CIT: variants seen among roughly 807,000 people sequenced by gnomAD.
CIT encodes the protein citron rho-interacting serine/threonine kinase.
A neutral mutation model predicts 272.7 loss-of-function variants in CIT; 79 were observed. The ratio of observed to expected loss-of-function variants is 0.29; its 90% CI spans 0.24 to 0.35. The LOEUF (loss-of-function observed/expected upper bound fraction) is 0.35. CIT is among the 10% of genes least tolerant of loss of function. CIT has a pLI of 1.00. For missense variants in CIT, 1,909 were observed against 2,618.3 expected, an observed-to-expected ratio of 0.73 and a Z score of 5.91; for synonymous variants, 948 against 995.6, an observed-to-expected ratio of 0.95 and a Z score of 0.90.
chr12:119,785,195 C>T (rs1964674057), intron 10 of CIT, 130 bp from the exon 11 acceptor site: 1 of 976,024 alleles, frequency 1.0e-6, no homozygotes, highest in Non-Finnish European at 1.5e-6. Context: ...ATAATGCCCC[C>T]TTCCCGTTTC....
At position 119,688,148 on chromosome 12, in the gene CIT, T is replaced by G. The variant is rs1300731256; in HGVS notation, c.*84A>C. ...AGAGGGTGGCTGAGCACGTGGGCGC[T>G]TGGGTCCCCATCAGCAGAGTTCCAT... On this transcript the variant is annotated 3_prime_UTR_variant, in exon 48 of 48. Transcript: ENST00000392521. The G allele has an allele frequency of 1.3e-6, 2 of 1,482,304 alleles. No homozygotes were observed. Among genetic ancestry groups the G allele is most frequent in the Admixed American group, 1.7e-5 (1 of 59,774 alleles). 91.8% of individuals were successfully genotyped at this position (1,482,304 alleles called of 1,614,324 possible). A position where few individuals can be genotyped will look rare whatever the true frequency, so the allele number is the denominator to read the frequency against.
intron 10 of CIT, among the ~76,000 whole-genome samples, chr12:119,793,467 A>G (rs1311072708): frequency 6.6e-6 from 1 of 152,208 alleles, no homozygotes; most frequent in African/African-American, 2.4e-5. Flanking sequence ...ACTTTGTGAA[A>G]TAAGACCCAG....
chr12:119,717,414 C>CTTTTTTTTTTTTTTTTT (rs765763044), intron 32 of CIT, among the ~76,000 whole-genome samples: 6 of 109,458 alleles, frequency 5.5e-5, no homozygotes, highest in African/African-American at 1.6e-4. Context: ...TTTTTCTTTT[C>CTTTTTTTTTTTTTTTTT]TTTTCTTTTT....
At chr12:119,843,567 T>C in intron 5 of CIT, among the ~76,000 whole-genome samples, 1 of 152,072 alleles carries the variant, frequency 6.6e-6, no homozygotes, top group Non-Finnish European at 1.5e-5. Context: ...ATTCCAGCAC[T>C]TTGGGAGGCC....
At position 119,712,433 on chromosome 12, in the gene CIT, C is replaced by T. The variant is rs1957212093; in HGVS notation, c.4685-86G>A. On this transcript the variant is annotated intron_variant, in intron 36 of 47. Transcript: ENST00000392521. This position sits in a 1 kb window ranked among gnomAD's most constrained non-coding sequence, Gnocchi z 5.2. ...ACGGGCCTGAGAGATCAAAGATGCC[C>T]ACCAAACCACGCAAATCCCAGTTAC... is the stretch of plus-strand genomic sequence containing the variant. The T allele has an allele frequency of 1.4e-6, 2 of 1,471,068 alleles. No homozygotes were observed. Among genetic ancestry groups the T allele is most frequent in the Non-Finnish European group, 9.3e-7 (1 of 1,077,848 alleles). 91.1% of individuals were successfully genotyped at this position (1,471,068 alleles called of 1,614,324 possible).
In CIT at chr12:119,686,602, T is replaced by C. The variant is rs1464448702; in HGVS notation, c.*1630A>G. 6.6e-6 allele frequency: 1 copy of C among 152,336 alleles called. No homozygotes were observed. The highest frequency in any genetic ancestry group is 1.5e-5 in the Non-Finnish European group (1 of 68,120). 9.4% of individuals were successfully genotyped at this position (152,336 alleles called of 1,614,324 possible). On this transcript the variant is annotated 3_prime_UTR_variant, in exon 48 of 48. Coordinates refer to ENST00000392521, the MANE Select transcript of CIT (RefSeq NM_001206999.2). ...AGTTGAAAACACGGTCATGTTCACC[T>C]GCTGCGGTGGAAACGGGTCTACCTT... is the stretch of plus-strand genomic sequence containing the variant.
chr12:119,732,762 G>A (rs1393735954), intron 26 of CIT, among the ~76,000 whole-genome samples: 1 of 152,118 alleles, frequency 6.6e-6, no homozygotes, highest in East Asian at 1.9e-4. Flanking sequence ...TTCATTGATC[G>A]ATATTTCTAT....
intron 40 of CIT, among the ~76,000 whole-genome samples, chr12:119,707,544 C>A (rs1279321729): frequency 6.6e-6 from 1 of 152,026 alleles, no homozygotes; most frequent in Non-Finnish European, 1.5e-5. Context: ...TCCCTGTCAC[C>A]AGGCTGGAGT....
rs1037965875 is a variant in CIT at position 119,697,051 on chromosome 12, G to C, written c.5882+608C>G. On this transcript the variant is annotated intron_variant, in intron 46 of 47. Coordinates refer to ENST00000392521, the MANE Select transcript of CIT (RefSeq NM_001206999.2). This position sits in a 1 kb window ranked among gnomAD's most constrained non-coding sequence, Gnocchi z 4.9. ...TCTCGCATTCCAGGGAAGGCACGAG[G>C]CTGGCCAGGAGTCCCTGACCTGCTC... Among the ~76,000 whole-genome samples the C allele has an allele frequency of 1.6e-4, 24 of 152,096 alleles. No individual in the cohort carries two copies. Among genetic ancestry groups the C allele is most frequent in the African/African-American group, 5.6e-4 (23 of 41,408 alleles).
At chr12:119,699,448 G>A (rs1211158457) in intron 44 of CIT, among the ~76,000 whole-genome samples, 1 of 152,040 alleles carries the variant, frequency 6.6e-6, no homozygotes, top group Non-Finnish European at 1.5e-5. Context: ...GCAAGACTTG[G>A]TATTAGACTT....
At chr12:119,759,811 T>C (rs1369282793) in intron 20 of CIT, among the ~76,000 whole-genome samples, 3 of 152,120 alleles carry the variant, frequency 2.0e-5, no homozygotes, top group African/African-American at 7.2e-5. Context: ...TACAGCAAAG[T>C]TTCCCCAACT....
At chr12:119,844,806 C>T (rs143973178) in intron 5 of CIT, among the ~76,000 whole-genome samples, 3 of 152,160 alleles carry the variant, frequency 2.0e-5, no homozygotes, top group East Asian at 3.9e-4. Flanking sequence ...GCAACCAGAA[C>T]TCCAAAAAAC....
chr12:119,832,763 T>C lies in CIT; in HGVS notation c.753+8A>G, dbSNP rs1968733784. The C allele has an allele frequency of 1.2e-6, 2 of 1,601,750 alleles. No homozygotes were observed. The highest frequency in any genetic ancestry group is 8.6e-7 in the Non-Finnish European group (1 of 1,169,124). ...AACTCTATTAAGCTATCTTATTCCA[T>C]TTTTTACCATCTTGTTTGAATTCAT... On this transcript the variant is annotated splice_region_variant and intron_variant, in intron 7 of 47. Coordinates refer to ENST00000392521, the MANE Select transcript of CIT (RefSeq NM_001206999.2).
chr12:119,750,065 A>G (rs1960004633), intron 23 of CIT, among the ~76,000 whole-genome samples: 1 of 152,186 alleles, frequency 6.6e-6, no homozygotes, highest in African/African-American at 2.4e-5. Context: ...AAAGCTAAAG[A>G]CACAGCATTG....
chr12:119,820,529 G>A (rs545325991), intron 9 of CIT, among the ~76,000 whole-genome samples: 20 of 152,052 alleles, frequency 1.3e-4, no homozygotes, highest in South Asian at 1.0e-3. Flanking sequence ...CAGCCTGGGC[G>A]ACGGGAAGAC....
At chr12:119,696,213 C>T (rs1002789222) in intron 46 of CIT, among the ~76,000 whole-genome samples, 2 of 152,146 alleles carry the variant, frequency 1.3e-5, no homozygotes, top group Non-Finnish European at 2.9e-5. Context: ...ATTCTGTGCC[C>T]TGTGGTTAGA....
At position 119,776,678 on chromosome 12, in the gene CIT, C is replaced by G. The variant is rs777699580; in HGVS notation, c.1830G>C (p.Leu610=). 3.1e-6 allele frequency: 5 copies of G among 1,613,422 alleles called. No individual in the cohort carries two copies. In the African/African-American group the frequency reaches 4.0e-5, roughly 13 times the overall value. The change falls in exon 14 of 48, where the codon CTG becomes CTC. Residue 610 remains leucine, a synonymous_variant. Coordinates refer to ENST00000392521, the MANE Select transcript of CIT (RefSeq NM_001206999.2). ...CTGGAGGGTGGCTGACTACCTTCAA[C>G]AGTTTATGCTGACATTCTGTCGCTT... is the stretch of plus-strand genomic sequence containing the variant. ...KRKATECQHK[L]LKAKDQGKPE...
chr12:119,709,190 G>A (rs1957027318), intron 39 of CIT, among the ~76,000 whole-genome samples: 1 of 152,146 alleles, frequency 6.6e-6, no homozygotes, highest in Non-Finnish European at 1.5e-5. Flanking sequence ...TATTCTATAT[G>A]ATACTCTATG....
Position 119,730,492 on chromosome 12 carries a change from G to T in CIT, c.3486+3C>A. 6.2e-7 allele frequency: 1 copy of T among 1,608,776 alleles called. No individual in the cohort carries two copies. The highest frequency in any genetic ancestry group is 1.1e-5 in the South Asian group (1 of 90,878). The stretch of plus-strand genomic sequence containing the variant: ...CTAAAAAGCAGAAGGGGTGGGCGCT[G>T]ACCTTGTCAGAGAGGCTCTCGGCCT... On this transcript the variant is annotated splice_donor_region_variant and intron_variant, in intron 27 of 47. Coordinates refer to ENST00000392521, the MANE Select transcript of CIT (RefSeq NM_001206999.2).
Sources: allele counts gnomAD v4.1 joint callset (sites outside exome capture counted in the v4.1 genomes callset), GRCh38; gene constraint gnomAD v4.1.1; non-coding constraint Gnocchi (gnomAD v3.1); transcripts MANE v1.5; gene names NCBI Gene and HGNC (gene_info 2026-07-23, HGNC 2026-07-21).